Variants in ZNF133 observed in about 807,000 individuals in gnomAD.
ZNF133 encodes the protein zinc finger protein 133 (clone pHZ-13).
ZNF133 carries 26 observed loss-of-function variants against 54.9 expected under a neutral mutation model. The ratio of observed to expected loss-of-function variants is 0.47; its 90% confidence interval spans 0.35 to 0.66. ZNF133 has a LOEUF of 0.66. Ranked by LOEUF, ZNF133 falls within the 30% of genes least tolerant of loss-of-function variation. The pLI is 0.01. For missense variants in ZNF133, 653 were observed against 820.8 expected (o/e 0.80, Z 2.50); for synonymous variants, 298 against 320.3 (o/e 0.93, Z 0.74).
intron 3 of ZNF133, among the ~76,000 whole-genome samples, chr20:18,302,125 G>A (rs1046452288): frequency 5.3e-5 from 8 of 152,184 alleles, no homozygotes; most frequent in Admixed American, 1.3e-4. Flanking sequence ...ATATGGCCGG[G>A]CACGGTGGCT....
intron 6 of ZNF133, chr20:18,313,573 T>G (rs925128634): frequency 2.0e-5 from 3 of 152,228 alleles, no homozygotes; most frequent in African/African-American, 7.2e-5. Flanking sequence ...CAAGGAGATA[T>G]GAGCTGTTGC....
At chr20:18,297,579 AT>A (rs965865090) in intron 1 of ZNF133, among the ~76,000 whole-genome samples, 2 of 148,552 alleles carry the variant, frequency 1.3e-5, no homozygotes, top group African/African-American at 5.0e-5. Flanking sequence ...TCTCATTTTC[AT>A]TTTTTTTAAT....
chr20:18,316,849 A>C lies in ZNF133; in HGVS notation c.*33A>C, dbSNP rs767556668. On this transcript the variant is annotated 3_prime_UTR_variant, in exon 7 of 7. Transcript: ENST00000425686. Reference sequence around the variant, plus strand: ...GATGGGGACAAGGACTAAGAGTCAGAATGTTGACACTTTGATGAAATGGAG... The same window carrying C: ...GATGGGGACAAGGACTAAGAGTCAGCATGTTGACACTTTGATGAAATGGAG... The C allele has an allele frequency of 9.0e-6, 14 of 1,555,104 alleles. No individual in the cohort carries two copies. The highest frequency in any genetic ancestry group is 2.7e-5 in the African/African-American group (2 of 73,356).
At chr20:18,290,712 C>T (rs2040768812) in intron 1 of ZNF133, among the ~76,000 whole-genome samples, 1 of 152,136 alleles carries the variant, frequency 6.6e-6, no homozygotes, top group Non-Finnish European at 1.5e-5. Context: ...CTATCTCTGC[C>T]TCATTTCTCC....
intron 1 of ZNF133, among the ~76,000 whole-genome samples, chr20:18,292,314 C>G (rs2041244176): frequency 6.6e-6 from 1 of 152,222 alleles, no homozygotes; most frequent in Non-Finnish European, 1.5e-5. Flanking sequence ...AAGTCAAAAC[C>G]AGTATCCTAC....
At position 18,300,313 on chromosome 20, in the gene ZNF133, G is replaced by T. The variant is rs1276062042; in HGVS notation, c.-178+1849G>T. ...GTGTAATCCCCTTGGTTACCACAAA[G>T]AAAATATCTGTAGGATGTAGAGAAA... On this transcript the variant is annotated intron_variant, in intron 3 of 6. Transcript: ENST00000425686. 2.6e-5 allele frequency among the ~76,000 whole-genome samples: 4 copies of T among 152,070 alleles called. No individual in the cohort carries two copies. In the East Asian group the frequency reaches 7.7e-4, roughly 29 times the overall value.
intron 3 of ZNF133, among the ~76,000 whole-genome samples, chr20:18,303,029 T>C (rs2043736247): frequency 6.6e-6 from 1 of 151,978 alleles, no homozygotes; most frequent in African/African-American, 2.4e-5. Flanking sequence ...AGACATCACA[T>C]GTTTGTAGAC....
chr20:18,306,822 C>T, intron 6 of ZNF133: 1 of 1,188,870 alleles, frequency 8.4e-7, no homozygotes, highest in Non-Finnish European at 1.1e-6. Flanking sequence ...AAACTGTGAG[C>T]TATTCAAGAA....
At chr20:18,311,907 A>C (rs1015824016) in intron 6 of ZNF133, among the ~76,000 whole-genome samples, 2 of 152,230 alleles carry the variant, frequency 1.3e-5, no homozygotes, top group African/African-American at 4.8e-5. Flanking sequence ...TTACATATTT[A>C]TGAAGGCAAT....
intron 1 of ZNF133, among the ~76,000 whole-genome samples, chr20:18,292,210 G>A (rs117556279): frequency 0.011 from 1,615 of 152,320 alleles, 20 homozygotes; most frequent in Non-Finnish European, 0.017. Flanking sequence ...TAAGGTACAT[G>A]AATCAGTGGA....
At position 18,300,341 on chromosome 20, in the gene ZNF133, C is replaced by CTCA. The variant is rs545079277; in HGVS notation, c.-178+1877_-178+1878insTCA. ...AATATCTGTAGGATGTAGAGAAAAG[C>CTCA]AAGTGAGATGGGAATTTAAAAGTTG... On this transcript the variant is annotated intron_variant, in intron 3 of 6. Coordinates refer to ENST00000425686, the MANE Select transcript of ZNF133 (RefSeq NM_001352452.2). Among the ~76,000 whole-genome samples the CTCA allele has an allele frequency of 4.1e-3, 619 of 152,086 alleles. 2 individuals are homozygous for CTCA. The highest frequency in any genetic ancestry group is 5.7e-3 in the Non-Finnish European group (386 of 67,946).
chr20:18,296,677 G>A (rs758928295), intron 1 of ZNF133, among the ~76,000 whole-genome samples: 3 of 152,150 alleles, frequency 2.0e-5, no homozygotes, highest in Non-Finnish European at 2.9e-5. Context: ...TGTAAGCAAC[G>A]CTTGGGTTGC....
At chr20:18,306,272 T>C in intron 5 of ZNF133, 26 bp from the exon 6 acceptor site, 1 of 1,602,826 alleles carries the variant, frequency 6.2e-7, no homozygotes, top group Admixed American at 1.7e-5. Context: ...ATAACCTAGT[T>C]ACTTATTTTC....
chr20:18,312,384 T>A (rs992418951), intron 6 of ZNF133, among the ~76,000 whole-genome samples: 1 of 152,242 alleles, frequency 6.6e-6, no homozygotes, highest in African/African-American at 2.4e-5. Context: ...CCAAGTTTTA[T>A]ATCACTAGAA....
intron 6 of ZNF133, among the ~76,000 whole-genome samples, chr20:18,308,290 G>A (rs1293597359): frequency 6.6e-6 from 1 of 151,972 alleles, no homozygotes; most frequent in Non-Finnish European, 1.5e-5. Context: ...TTCTCCTCTT[G>A]TTTTTATTAA....
At chr20:18,314,870 G>C in intron 6 of ZNF133, 199 bp from the exon 7 acceptor site, 1 of 517,848 alleles carries the variant, frequency 1.9e-6, no homozygotes, top group Non-Finnish European at 3.3e-6. Context: ...TGTAGAGCAG[G>C]TCTTAACAAG....
intron 3 of ZNF133, among the ~76,000 whole-genome samples, chr20:18,301,507 T>G (rs891385894): frequency 6.6e-6 from 1 of 152,134 alleles, no homozygotes; most frequent in Admixed American, 6.5e-5. Context: ...TTAAATAAAT[T>G]GACAAACCTT....
intron 6 of ZNF133, chr20:18,314,312 C>G (rs1478784733): frequency 6.6e-6 from 1 of 152,174 alleles, no homozygotes; most frequent in African/African-American, 2.4e-5. Context: ...TCAATGTTGA[C>G]ATCTCCTACA....
chr20:18,295,221 T>C (rs550829414), intron 1 of ZNF133: 3 of 152,456 alleles, frequency 2.0e-5, no homozygotes, highest in African/African-American at 7.2e-5. Flanking sequence ...TTTTGAGAGC[T>C]TGTTGGGAGG....
Sources: allele counts gnomAD v4.1 joint callset (sites outside exome capture counted in the v4.1 genomes callset), GRCh38; gene constraint gnomAD v4.1.1; transcripts MANE v1.5; gene names NCBI Gene and HGNC (gene_info 2026-07-23, HGNC 2026-07-21).